Variants in CTNNA2 observed in about 807,000 individuals in gnomAD.
CTNNA2 encodes the protein catenin alpha-2.
CTNNA2 carries 42 observed loss-of-function variants against 101.0 expected under a neutral mutation model. The observed-to-expected ratio is 0.42, with a 90% CI of 0.32 to 0.54. CTNNA2 has a LOEUF of 0.54. Among genes scored for constraint, CTNNA2 ranks in the 20% least tolerant of loss-of-function variants. The probability of loss-of-function intolerance (pLI) is 0.14; values close to 1 mark genes in which losing one functional copy is unlikely to be tolerated. For missense variants in CTNNA2, 871 were observed against 1,223.1 expected (o/e 0.71, Z 4.29); for synonymous variants, 450 against 456.4 (o/e 0.99, Z 0.18).
In CTNNA2 at chr2:79,410,146, G is replaced by A. The variant is rs531773762; in HGVS notation, c.-135+36133G>A. 6.7e-4 allele frequency among the ~76,000 whole-genome samples: 99 copies of A among 147,626 alleles called. 4 individuals carry two copies. The South Asian group carries it at 0.022, about 33-fold the overall frequency. On this transcript the variant is annotated intron_variant, in intron 4 of 21. Coordinates refer to the CTNNA2 transcript ENST00000466387. The stretch of plus-strand genomic sequence containing the variant: ...AGAATGCTTGTGATTTTTGTACATT[G>A]ATTTTGTATCCTGAGACTTTGCTGA...
At chr2:79,721,406 C>T (rs2104864865) in intron 2 of CTNNA2, among the ~76,000 whole-genome samples, 1 of 152,226 alleles carries the variant, frequency 6.6e-6, no homozygotes, top group East Asian at 1.9e-4. Flanking sequence ...CTTACAAGGC[C>T]ACCAGTCCTA....
chr2:79,703,177 A>G (rs1307308320), intron 2 of CTNNA2, among the ~76,000 whole-genome samples: 1 of 152,190 alleles, frequency 6.6e-6, no homozygotes, highest in African/African-American at 2.4e-5. Context: ...TTTCTGCTAC[A>G]TTTGACAAGT....
At chr2:79,750,380 A>G (rs1671940010) in intron 3 of CTNNA2, among the ~76,000 whole-genome samples, 1 of 152,166 alleles carries the variant, frequency 6.6e-6, no homozygotes, top group Non-Finnish European at 1.5e-5. Context: ...AGGCTTCAAG[A>G]TGTTTATAGC....
At chr2:79,475,369 G>T (rs1053684833) in intron 4 of CTNNA2, among the ~76,000 whole-genome samples, 3 of 152,070 alleles carry the variant, frequency 2.0e-5, no homozygotes, top group African/African-American at 7.2e-5. Context: ...AGGAAAAAAG[G>T]GAAGACAAGT....
rs1675838096 is a variant in CTNNA2, at chr2:79,292,145, C to G, written c.-405-20564C>G. On this transcript the variant is annotated intron_variant, in intron 2 of 21. Transcript: ENST00000466387. Reference sequence around the variant, plus strand: ...GCTCTCATCTTTCTGGGTTGGTGCCCTTTAAAAAATTGATGGTTCTTTACG... The same window carrying G: ...GCTCTCATCTTTCTGGGTTGGTGCCGTTTAAAAAATTGATGGTTCTTTACG... 2.6e-5 allele frequency among the ~76,000 whole-genome samples: 4 copies of G among 152,064 alleles called. No individual in the cohort carries two copies. The South Asian group carries it at 8.3e-4, about 32-fold the overall frequency.
At chr2:80,357,972 A>G (rs376381540) in intron 7 of CTNNA2, among the ~76,000 whole-genome samples, 1 of 152,082 alleles carries the variant, frequency 6.6e-6, no homozygotes, top group African/African-American at 2.4e-5. Context: ...TCAAAGCTAG[A>G]TATAAGTGGG....
At chr2:80,363,116 A>C (rs1573846693) in intron 7 of CTNNA2, among the ~76,000 whole-genome samples, 1 of 152,096 alleles carries the variant, frequency 6.6e-6, no homozygotes, top group African/African-American at 2.4e-5. Flanking sequence ...GTCCTAAATA[A>C]TTATTTTGGT....
intron 7 of CTNNA2, among the ~76,000 whole-genome samples, chr2:79,947,538 G>A (rs17018266): frequency 0.013 from 2,054 of 152,186 alleles, 53 homozygotes; most frequent in African/African-American, 0.048. Context: ...AAAATACCTA[G>A]GATTTGCATT....
At chr2:80,308,058 C>T (rs904651849) in intron 7 of CTNNA2, among the ~76,000 whole-genome samples, 3 of 152,172 alleles carry the variant, frequency 2.0e-5, no homozygotes, top group Non-Finnish European at 2.9e-5. Context: ...CGATTAATTC[C>T]TTCTCTCTTC....
At chr2:80,434,084 T>C (rs1681798149) in intron 9 of CTNNA2, among the ~76,000 whole-genome samples, 1 of 152,198 alleles carries the variant, frequency 6.6e-6, no homozygotes, top group Non-Finnish European at 1.5e-5. Flanking sequence ...ACTAATGACA[T>C]GTGTGCAAGT....
intron 7 of CTNNA2, among the ~76,000 whole-genome samples, chr2:80,104,534 T>G (rs1302147017): frequency 1.3e-5 from 2 of 152,240 alleles, no homozygotes; most frequent in Non-Finnish European, 2.9e-5. Flanking sequence ...ACAATTTTGT[T>G]TGTTGTTACA....
At chr2:80,179,266 A>G (rs1276547565) in intron 7 of CTNNA2, among the ~76,000 whole-genome samples, 3 of 152,222 alleles carry the variant, frequency 2.0e-5, no homozygotes, top group African/African-American at 7.2e-5. Flanking sequence ...ACTTATGATA[A>G]TCCACTGTCA....
At chr2:80,628,631 A>T (rs568620333) in intron 18 of CTNNA2, among the ~76,000 whole-genome samples, 3 of 151,966 alleles carry the variant, frequency 2.0e-5, no homozygotes, top group Non-Finnish European at 4.4e-5. Flanking sequence ...CTCAATACTC[A>T]TATTTAGTTG....
intron 4 of CTNNA2, among the ~76,000 whole-genome samples, chr2:79,488,510 G>A (rs1400332160): frequency 6.6e-6 from 1 of 151,992 alleles, no homozygotes; most frequent in African/African-American, 2.4e-5. Flanking sequence ...CAACATAGGT[G>A]GACACTGGGC....
chr2:80,238,046 G>C (rs1709637714), intron 7 of CTNNA2, among the ~76,000 whole-genome samples: 1 of 151,792 alleles, frequency 6.6e-6, no homozygotes, highest in Non-Finnish European at 1.5e-5. Context: ...GCCGTCCAAG[G>C]ACAAGCTTTA....
intron 4 of CTNNA2, among the ~76,000 whole-genome samples, chr2:79,399,977 G>T (rs1678272146): frequency 6.6e-6 from 1 of 152,028 alleles, no homozygotes; most frequent in Non-Finnish European, 1.5e-5. Context: ...GCCTCAGGAG[G>T]TCCTCATGAC....
At chr2:79,863,702 T>A (rs1681813761) in intron 4 of CTNNA2, among the ~76,000 whole-genome samples, 1 of 152,208 alleles carries the variant, frequency 6.6e-6, no homozygotes, top group Admixed American at 6.5e-5. Flanking sequence ...GAGAAGCTGC[T>A]ACCCCTGGGG....
intron 6 of CTNNA2, among the ~76,000 whole-genome samples, chr2:79,903,966 G>T (rs1165584383): frequency 1.3e-5 from 2 of 152,106 alleles, no homozygotes; most frequent in Non-Finnish European, 2.9e-5. Context: ...GAGGAGAGTG[G>T]CTTGGGGCCC....
chr2:80,060,420 C>T (rs1410983917), intron 7 of CTNNA2, among the ~76,000 whole-genome samples: 2 of 152,130 alleles, frequency 1.3e-5, no homozygotes, highest in Non-Finnish European at 2.9e-5. Context: ...TAATGGCATG[C>T]CTTGGAGCAG....
Sources: allele counts gnomAD v4.1 joint callset (sites outside exome capture counted in the v4.1 genomes callset), GRCh38; gene constraint gnomAD v4.1.1; transcripts MANE v1.5; gene names NCBI Gene and HGNC (gene_info 2026-07-23, HGNC 2026-07-21).